Variants in SFMBT2 observed in about 807,000 individuals in gnomAD.
SFMBT2 encodes Scm like with four mbt domains 2, also known as scm-like with four MBT domains protein 2.
In SFMBT2, 38 loss-of-function variants were observed where a neutral mutation model predicts 110.1. The ratio of observed to expected loss-of-function variants is 0.35; its 90% CI spans 0.27 to 0.45. The LOEUF is 0.45. Ranked by LOEUF, SFMBT2 falls within the 20% of genes least tolerant of loss-of-function variation. The pLI is 1.00. For missense variants in SFMBT2, 1,011 were observed against 1,094.9 expected, an observed-to-expected ratio of 0.92 and a Z score of 1.08; for synonymous variants, 425 against 425.4, an observed-to-expected ratio of 1.00 and a Z score of 0.01.
chr10:7,345,761 T>C (rs1476071957), intron 4 of SFMBT2, among the ~76,000 whole-genome samples: 1 of 152,044 alleles, frequency 6.6e-6, no homozygotes, highest in African/African-American at 2.4e-5. Context: ...AACACAGAAG[T>C]GTGTCCTTCC....
intron 4 of SFMBT2, among the ~76,000 whole-genome samples, chr10:7,345,082 C>A (rs963169325): frequency 1.3e-5 from 2 of 151,394 alleles, no homozygotes; most frequent in Admixed American, 6.6e-5. Flanking sequence ...AGAACCCTGA[C>A]AGGGCTTCAC....
intron 11 of SFMBT2, among the ~76,000 whole-genome samples, chr10:7,217,740 C>T (rs1448289080): frequency 6.6e-6 from 1 of 152,116 alleles, no homozygotes. Context: ...TGCTAGAGAC[C>T]TAAGACTGAA....
At chr10:7,378,053 G>GGGTGT (rs1845296726) in intron 2 of SFMBT2, among the ~76,000 whole-genome samples, 1 of 151,238 alleles carries the variant, frequency 6.6e-6, no homozygotes, top group African/African-American at 2.4e-5. Context: ...GTGGATGGAT[G>GGGTGT]GATGTGAGTG....
At chr10:7,400,547 G>A (rs755973542) in intron 1 of SFMBT2, among the ~76,000 whole-genome samples, 6 of 152,214 alleles carry the variant, frequency 3.9e-5, no homozygotes, top group African/African-American at 4.8e-5. Context: ...GGCATCCAGC[G>A]GTTGGCATCT....
intron 4 of SFMBT2, among the ~76,000 whole-genome samples, chr10:7,354,099 A>AATAT (rs1554808803): frequency 1.1e-4 from 16 of 151,336 alleles, no homozygotes; most frequent in African/African-American, 3.4e-4. Context: ...AAAAAAAAAA[A>AATAT]ATATAAATAA....
At chr10:7,244,798 A>G (rs965586772) in intron 8 of SFMBT2, among the ~76,000 whole-genome samples, 6 of 152,186 alleles carry the variant, frequency 3.9e-5, no homozygotes, top group African/African-American at 1.4e-4. Flanking sequence ...GAAGCAGGAA[A>G]GGAAATTCAC....
At chr10:7,215,758 C>T in intron 11 of SFMBT2, 3 of 983,468 alleles carry the variant, frequency 3.1e-6, no homozygotes, top group Non-Finnish European at 3.6e-6. Flanking sequence ...GCCTGACCTG[C>T]TTCCCTCCTC....
chr10:7,278,263 C>T (rs2131828413), intron 6 of SFMBT2, among the ~76,000 whole-genome samples: 1 of 152,250 alleles, frequency 6.6e-6, no homozygotes, highest in Non-Finnish European at 1.5e-5. Flanking sequence ...AAGAATGGGG[C>T]CTCTGATGTC....
chr10:7,356,502 G>A (rs753765432), intron 4 of SFMBT2, among the ~76,000 whole-genome samples: 10 of 152,132 alleles, frequency 6.6e-5, no homozygotes, highest in Non-Finnish European at 1.5e-4. Flanking sequence ...TGCAACCTCC[G>A]CCTCCCGGGT....
intron 6 of SFMBT2, among the ~76,000 whole-genome samples, chr10:7,280,388 T>TG (rs60916501): frequency 0.044 from 6,618 of 150,156 alleles, 263 homozygotes; most frequent in African/African-American, 0.11. Context: ...ACTAAAAAAA[T>TG]GGGGGGAGGG....
Position 7,172,217 on chromosome 10 carries a change from C to T in SFMBT2, c.2152-59G>A. On this transcript the variant is annotated intron_variant, in intron 18 of 20. Coordinates refer to ENST00000397167, the MANE Select transcript of SFMBT2 (RefSeq NM_001387889.1). This position sits in a 1 kb window ranked among gnomAD's most constrained non-coding sequence, Gnocchi z 4.6. ...TGGCCCGGGGGCCTGTAGCGGTGGC[C>T]CCGCGGTCAGACCCTGGGCCCAGTG... is the stretch of plus-strand genomic sequence containing the variant. The T allele has an allele frequency of 2.7e-6, 4 of 1,505,800 alleles. No homozygotes were observed. Among genetic ancestry groups the T allele is most frequent in the Non-Finnish European group, 3.5e-6 (4 of 1,128,478 alleles). The allele number at this position is 1,505,800 out of a possible 1,614,324, so 93.3% of individuals were successfully genotyped here. A position where few individuals can be genotyped will look rare whatever the true frequency, so the allele number is the denominator to read the frequency against.
At chr10:7,207,037 G>T in intron 11 of SFMBT2, 1 of 407,614 alleles carries the variant, frequency 2.5e-6, no homozygotes, top group Non-Finnish European at 3.3e-6. Flanking sequence ...ATCAGCCTCA[G>T]TAACATGGCA....
chr10:7,210,120 T>C (rs1387379621), intron 11 of SFMBT2, among the ~76,000 whole-genome samples: 1 of 152,192 alleles, frequency 6.6e-6, no homozygotes, highest in Admixed American at 6.5e-5. Context: ...GCTACCCCCT[T>C]GTCCCCGGTT....
rs1297677449 is a variant in SFMBT2, at chr10:7,172,680, G to C, written c.1985-19C>G. On this transcript the variant is annotated intron_variant, in intron 17 of 20. Coordinates refer to ENST00000397167, the MANE Select transcript of SFMBT2 (RefSeq NM_001387889.1). This position sits in a 1 kb window ranked among gnomAD's most constrained non-coding sequence, Gnocchi z 4.6. ...TAATAGGCTGTAGGAAGGAAGATGA[G>C]AAACTTTTGAAGGCTATACACACAC... 6.2e-7 allele frequency: 1 copy of C among 1,605,554 alleles called. No individual in the cohort carries two copies. Among genetic ancestry groups the C allele is most frequent in the Non-Finnish European group, 8.5e-7 (1 of 1,174,956 alleles).
Position 7,171,298 on chromosome 10 carries a change from G to A in SFMBT2, c.2416-242C>T, listed in dbSNP as rs1228847030. On this transcript the variant is annotated intron_variant, in intron 19 of 20. Transcript: ENST00000397167. The surrounding 1 kb of genome is among the most constrained non-coding windows in gnomAD (Gnocchi z 4.9). Reference sequence around the variant, plus strand: ...GAAGAAGGCAGGCACAGTGACAGTCGCTCTTGCATCCCTAGTTCAGGAAAC... The same window carrying A: ...GAAGAAGGCAGGCACAGTGACAGTCACTCTTGCATCCCTAGTTCAGGAAAC... 14 of 848,230 alleles carry A rather than the reference G, an allele frequency of 1.7e-5. No individual in the cohort carries two copies. In the South Asian group the frequency reaches 2.2e-4, roughly 13 times the overall value. The allele number at this position is 848,230 out of a possible 1,614,324, so 52.5% of individuals were successfully genotyped here.
chr10:7,407,397 A>G (rs1026835917), intron 1 of SFMBT2, among the ~76,000 whole-genome samples: 9 of 150,902 alleles, frequency 6.0e-5, no homozygotes, highest in Non-Finnish European at 7.4e-5. Flanking sequence ...TGGAGGGGGG[A>G]TGGAGAGTGG....
chr10:7,373,436 T>C (rs1044522663), intron 2 of SFMBT2, among the ~76,000 whole-genome samples: 1 of 152,114 alleles, frequency 6.6e-6, no homozygotes, highest in Non-Finnish European at 1.5e-5. Flanking sequence ...GAAACAGTGG[T>C]TTACAGGTAT....
At chr10:7,352,526 C>A (rs552330829) in intron 4 of SFMBT2, among the ~76,000 whole-genome samples, 23 of 151,962 alleles carry the variant, frequency 1.5e-4, no homozygotes, top group Non-Finnish European at 3.1e-4. Context: ...TGCTATGTTG[C>A]CCAGGCTTAG....
intron 4 of SFMBT2, among the ~76,000 whole-genome samples, chr10:7,291,991 G>C (rs1019980539): frequency 1.3e-5 from 2 of 152,160 alleles, no homozygotes; most frequent in African/African-American, 4.8e-5. Context: ...TAATTTAGTA[G>C]TCACATAGCC....
Sources: gnomAD v4.1 joint callset for allele counts (sites outside exome capture counted in the v4.1 genomes callset) on GRCh38, gnomAD v4.1.1 for gene constraint, Gnocchi (gnomAD v3.1) non-coding constraint, MANE v1.5 for transcripts, NCBI Gene and HGNC (gene_info 2026-07-23, HGNC 2026-07-21) for gene names.